FHIT: variants seen among roughly 807,000 people sequenced by gnomAD.
FHIT encodes the protein fragile histidine triad diadenosine triphosphatase.
A neutral mutation model predicts 17.9 loss-of-function variants in FHIT; 19 were observed. The ratio of observed to expected loss-of-function variants is 1.06; its 90% CI spans 0.74 to 1.56. FHIT has a LOEUF of 1.56. FHIT is among the 40% of genes most tolerant of loss of function. FHIT has a pLI of 0.00. For synonymous variants in FHIT, 81 were observed against 69.7 expected (o/e 1.16, Z -0.81); for missense variants, 248 against 189.2 (o/e 1.31, Z -1.82).
At chr3:60,182,126 C>T (rs577228746) in intron 5 of FHIT, among the ~76,000 whole-genome samples, 5 of 152,256 alleles carry the variant, frequency 3.3e-5, no homozygotes, top group Admixed American at 2.6e-4. Flanking sequence ...ACTGTCCTGG[C>T]GCCAATGGGA....
chr3:60,583,182 G>A (rs1197520108), intron 4 of FHIT, among the ~76,000 whole-genome samples: 3 of 151,832 alleles, frequency 2.0e-5, no homozygotes, highest in Admixed American at 6.6e-5. Context: ...CTCCTTACTG[G>A]TTTTATATTT....
intron 5 of FHIT, among the ~76,000 whole-genome samples, chr3:60,148,857 T>A (rs1347488156): frequency 2.6e-5 from 4 of 152,166 alleles, no homozygotes; most frequent in African/African-American, 9.6e-5. Context: ...ACTTAAAAAA[T>A]AAATTTAGCT....
At chr3:60,625,100 G>T (rs928577235) in intron 4 of FHIT, among the ~76,000 whole-genome samples, 39 of 152,064 alleles carry the variant, frequency 2.6e-4, no homozygotes, top group Non-Finnish European at 4.0e-4. Context: ...GTAGAGGTGA[G>T]GTTTCACCAT....
At chr3:59,826,731 C>T (rs1331445518) in intron 8 of FHIT, among the ~76,000 whole-genome samples, 1 of 152,238 alleles carries the variant, frequency 6.6e-6, no homozygotes, top group Admixed American at 6.5e-5. Flanking sequence ...GGCCCCTGCC[C>T]ACCAATTGCC....
At chr3:61,032,272 C>T (rs1293486326) in intron 3 of FHIT, among the ~76,000 whole-genome samples, 1 of 152,184 alleles carries the variant, frequency 6.6e-6, no homozygotes, top group Non-Finnish European at 1.5e-5. Context: ...TCATGGCTCC[C>T]TCTTGGAGCC....
intron 7 of FHIT, among the ~76,000 whole-genome samples, chr3:59,969,649 A>G (rs1328776156): frequency 5.3e-5 from 8 of 152,224 alleles, no homozygotes; most frequent in Admixed American, 4.6e-4. Context: ...TCATTTGCGT[A>G]CTTGCGTGTA....
At chr3:60,598,974 G>A (rs377466536) in intron 4 of FHIT, among the ~76,000 whole-genome samples, 1 of 152,178 alleles carries the variant, frequency 6.6e-6, no homozygotes, top group African/African-American at 2.4e-5. Flanking sequence ...CCCTAGGAAT[G>A]TTCTAATTTT....
At chr3:60,363,763 G>A (rs112800084) in intron 5 of FHIT, among the ~76,000 whole-genome samples, 1 of 152,054 alleles carries the variant, frequency 6.6e-6, no homozygotes, top group African/African-American at 2.4e-5. Context: ...GGCCCCCCTG[G>A]CCCCCCTGGC....
Position 60,450,032 on chromosome 3 carries a change from G to A in FHIT, c.103+86828C>T, listed in dbSNP as rs117556751. On this transcript the variant is annotated intron_variant, in intron 5 of 9. Coordinates refer to ENST00000492590, the MANE Select transcript of FHIT (RefSeq NM_002012.4). The stretch of plus-strand genomic sequence containing the variant: ...AAAAAAAAAAAAAAAAGGCATAAAA[G>A]GTAGAAAATGAAAATGGTAGACCTA... Among the ~76,000 whole-genome samples the A allele has an allele frequency of 8.4e-3, 1,217 of 145,720 alleles. 12 individuals are homozygous for A. Among genetic ancestry groups the A allele is most frequent in the East Asian group, 0.026 (132 of 4,998 alleles).
chr3:60,128,386 G>A (rs563840629), intron 5 of FHIT, among the ~76,000 whole-genome samples: 15 of 152,264 alleles, frequency 9.9e-5, no homozygotes, highest in South Asian at 6.2e-4. Context: ...CTGCCATCAC[G>A]TGAAGAAGGA....
At chr3:60,203,370 A>C (rs986036060) in intron 5 of FHIT, among the ~76,000 whole-genome samples, 52 of 152,224 alleles carry the variant, frequency 3.4e-4, no homozygotes, top group African/African-American at 1.2e-3. Flanking sequence ...CCTTCAAAAA[A>C]TATTTGTATG....
chr3:60,571,764 G>C lies in FHIT; in HGVS notation c.-17-34785C>G, dbSNP rs922744480. Reference sequence around the variant, plus strand: ...CTATTAAGCACCCTCTCTGGAAAGAGTGTTCTTTGAAAAACAAAATGCAGA... The same window carrying C: ...CTATTAAGCACCCTCTCTGGAAAGACTGTTCTTTGAAAAACAAAATGCAGA... On this transcript the variant is annotated intron_variant, in intron 4 of 9. Transcript: ENST00000492590. Among the ~76,000 whole-genome samples, 7 of 152,284 alleles carry C rather than the reference G, an allele frequency of 4.6e-5. No homozygotes were observed. The East Asian group carries it at 1.4e-3, about 29-fold the overall frequency.
chr3:61,054,183 C>G (rs79004805), intron 2 of FHIT, among the ~76,000 whole-genome samples: 14,092 of 152,172 alleles, frequency 0.093, 757 homozygotes, highest in South Asian at 0.16. Context: ...AAAAACACTT[C>G]TTACAGATTA....
At chr3:61,230,302 TAGTG>T (rs1026848937) in intron 1 of FHIT, among the ~76,000 whole-genome samples, 3 of 152,178 alleles carry the variant, frequency 2.0e-5, no homozygotes, top group African/African-American at 4.8e-5. Context: ...GTCCTCATAA[TAGTG>T]AGTGAGTTCT....
At chr3:61,058,216 T>A (rs1171524643) in intron 2 of FHIT, among the ~76,000 whole-genome samples, 2 of 152,226 alleles carry the variant, frequency 1.3e-5, no homozygotes, top group East Asian at 3.8e-4. Context: ...TATATAAGCA[T>A]GAGTCTCCAC....
chr3:59,963,199 G>A (rs1208370414), intron 7 of FHIT, among the ~76,000 whole-genome samples: 1 of 151,034 alleles, frequency 6.6e-6, no homozygotes, highest in Non-Finnish European at 1.5e-5. Flanking sequence ...CCCAGGAGGT[G>A]GAGTTCGCAA....
chr3:60,791,686 T>C (rs535693269), intron 4 of FHIT, among the ~76,000 whole-genome samples: 52 of 152,304 alleles, frequency 3.4e-4, no homozygotes, highest in African/African-American at 1.2e-3. Context: ...AGCACCCAAC[T>C]TGATGAGCTA....
At chr3:60,997,698 T>G (rs9872213) in intron 3 of FHIT, among the ~76,000 whole-genome samples, 3,403 of 152,316 alleles carry the variant, frequency 0.022, 61 homozygotes, top group African/African-American at 0.048. Context: ...TACTAGCCCT[T>G]GGTCTGCTGC....
chr3:60,241,745 A>G (rs1416630529), intron 5 of FHIT, among the ~76,000 whole-genome samples: 1 of 152,070 alleles, frequency 6.6e-6, no homozygotes, highest in Non-Finnish European at 1.5e-5. Context: ...GAGATGAGTT[A>G]TATTCATGAC....
Sources: allele counts gnomAD v4.1 joint callset (sites outside exome capture counted in the v4.1 genomes callset), GRCh38; gene constraint gnomAD v4.1.1; transcripts MANE v1.5; gene names NCBI Gene and HGNC (gene_info 2026-07-23, HGNC 2026-07-21).